Variants in GRB10 observed in about 807,000 individuals in gnomAD.
The protein encoded by GRB10 is growth factor receptor bound protein 10.
In GRB10, 20 loss-of-function variants were observed where a neutral mutation model predicts 80.9. That is an observed-to-expected ratio of 0.25 (90% confidence interval 0.17 to 0.36). GRB10 has a LOEUF of 0.36. Among genes scored for constraint, GRB10 ranks in the 10% least tolerant of loss-of-function variants. The pLI is 1.00. For missense variants in GRB10, 548 were observed against 747.7 expected (o/e 0.73, Z 3.12); for synonymous variants, 291 against 291.5 (o/e 1.00, Z 0.02).
rs1353819786 is a variant in GRB10 at position 50,654,847 on chromosome 7, G to A, written c.504+14875C>T. ...ATATTTCCTACAAACAAGAACACTC[G>A]CATAACTACAGTACAATGATCAAAA... On this transcript the variant is annotated intron_variant, in intron 7 of 18. Transcript: ENST00000401949. Among the ~76,000 whole-genome samples, 4 of 152,050 alleles carry A rather than the reference G, an allele frequency of 2.6e-5. No individual in the cohort carries two copies. In the East Asian group the frequency reaches 5.8e-4, roughly 22 times the overall value.
At position 50,703,829 on chromosome 7, in the gene GRB10, T is replaced by C. The variant is rs533088199; in HGVS notation, c.131A>G (p.Asn44Ser). Residue 44 changes from asparagine to serine, a missense_variant, in exon 5 of 19, where the codon AAT becomes AGT. Coordinates refer to ENST00000401949, the MANE Select transcript of GRB10 (RefSeq NM_001350814.2). The part of the protein sequence containing the change: ...GLPAQSDRLA[N>S]HQEDDVDLEA... ...TTTTGCTCATTCCTTACCCTGGTGA[T>C]TCGCAAGTCGGTCAGACTGTGCGGG... The C allele has an allele frequency of 1.9e-4, 299 of 1,612,510 alleles. 3 individuals are homozygous for C. In the South Asian group the frequency reaches 2.6e-3, roughly 14 times the overall value.
intron 4 of GRB10, chr7:50,710,976 C>G: frequency 7.3e-7 from 1 of 1,371,032 alleles, no homozygotes. Flanking sequence ...GCCCTGTGCA[C>G]AATATTTTCA....
Position 50,626,977 on chromosome 7 carries a change from T to A in GRB10, c.506A>T (p.Asp169Val). The change falls in exon 8 of 19, where the codon GAT becomes GTT. Residue 169 changes from aspartate (D) to valine (V), a missense_variant and splice_region_variant. By Grantham distance (152) the Asp-to-Val change is radical (BLOSUM62 -3). Coordinates refer to ENST00000401949, the MANE Select transcript of GRB10 (RefSeq NM_001350814.2). Reference protein sequence around the residue: ...LPPSQAAAKQDVKVFSEDGTS... With the variant: ...LPPSQAAAKQVVKVFSEDGTS... Reference sequence around the variant, plus strand: ...CCCATCTTCACTAAAGACTTTAACATCCTGCAACACACAAAGGGGATAGTT... The same window carrying A: ...CCCATCTTCACTAAAGACTTTAACAACCTGCAACACACAAAGGGGATAGTT... 6.2e-7 allele frequency: 1 copy of A among 1,614,044 alleles called. No individual in the cohort carries two copies. Among genetic ancestry groups the A allele is most frequent in the East Asian group, 2.2e-5 (1 of 44,888 alleles).
At chr7:50,771,592 T>C (rs1398041222) in intron 2 of GRB10, among the ~76,000 whole-genome samples, 1 of 152,168 alleles carries the variant, frequency 6.6e-6, no homozygotes, top group Non-Finnish European at 1.5e-5. Flanking sequence ...CTCCCTGTGT[T>C]AAAACAGGAG....
intron 7 of GRB10, among the ~76,000 whole-genome samples, chr7:50,629,355 G>A (rs2053573634): frequency 1.3e-5 from 2 of 152,060 alleles, no homozygotes; most frequent in South Asian, 4.1e-4. Context: ...AAATAGCCCG[G>A]GTATTAAAAG....
At chr7:50,737,774 A>G (rs894002703) in intron 3 of GRB10, among the ~76,000 whole-genome samples, 4 of 152,312 alleles carry the variant, frequency 2.6e-5, no homozygotes, top group Admixed American at 2.6e-4. Context: ...GCTTGAACCC[A>G]GAGGCAGAGG....
chr7:50,645,906 C>A (rs74391045), intron 7 of GRB10, among the ~76,000 whole-genome samples: 1,629 of 152,282 alleles, frequency 0.011, 10 homozygotes, highest in Middle Eastern at 0.048. Context: ...AGTGGCCAGC[C>A]CCCAAGTCAT....
chr7:50,675,830 G>C lies in GRB10; in HGVS notation c.140-1172C>G, dbSNP rs150244286. Among the ~76,000 whole-genome samples, 308 of 146,066 alleles carry C rather than the reference G, an allele frequency of 2.1e-3. 2 individuals are homozygous for C. The highest frequency in any genetic ancestry group is 0.021 in the East Asian group (92 of 4,380). ...TGGAGATGGGGAGGGGTTGGGGTGG[G>C]ACGGGGAAAGGGAGCCAGGAGCTAG... is the stretch of plus-strand genomic sequence containing the variant. On this transcript the variant is annotated intron_variant, in intron 5 of 18. Coordinates refer to ENST00000401949, the MANE Select transcript of GRB10 (RefSeq NM_001350814.2).
At chr7:50,678,538 TAATA>T in intron 5 of GRB10, among the ~76,000 whole-genome samples, 1 of 144,146 alleles carries the variant, frequency 6.9e-6, no homozygotes, top group Non-Finnish European at 1.6e-5. Flanking sequence ...TCTGTTTAGA[TAATA>T]AAATCAATTA....
At chr7:50,630,179 C>T (rs1208712960) in intron 7 of GRB10, among the ~76,000 whole-genome samples, 1 of 152,212 alleles carries the variant, frequency 6.6e-6, no homozygotes, top group African/African-American at 2.4e-5. Context: ...GTAATGTAAG[C>T]AAAACACTGC....
At chr7:50,758,487 T>G (rs2075368559) in intron 2 of GRB10, among the ~76,000 whole-genome samples, 2 of 152,260 alleles carry the variant, frequency 1.3e-5, no homozygotes, top group Admixed American at 1.3e-4. Context: ...GTATCTTTGG[T>G]ATCTTCCAAA....
intron 5 of GRB10, among the ~76,000 whole-genome samples, chr7:50,691,638 T>C (rs1307303917): frequency 6.6e-6 from 1 of 152,228 alleles, no homozygotes; most frequent in African/African-American, 2.4e-5. Flanking sequence ...AGAATAATCA[T>C]TAATGACATG....
rs11405172 is a variant in GRB10 at position 50,749,134 on chromosome 7, G to GTTTTTTTTTTTTTTTTTTTTTTT, written c.-47+6752_-47+6753insAAAAAAAAAAAAAAAAAAAAAAA. 2.2e-5 allele frequency among the ~76,000 whole-genome samples: 3 copies of GTTTTTTTTTTTTTTTTTTTTTTT among 137,906 alleles called. 1 individual carries two copies. The highest frequency in any genetic ancestry group is 4.6e-5 in the Non-Finnish European group (3 of 64,760). The allele number at this position is 137,906 out of a possible 152,430, so 90.5% of individuals were successfully genotyped here. A position where few individuals can be genotyped will look rare whatever the true frequency, so the allele number is the denominator to read the frequency against. ...TTTGTTTTGTTTTGTTTTTTTGTTT[G>GTTTTTTTTTTTTTTTTTTTTTTT]TTTTTTTTTTTTGAGATGGAGTCTC... On this transcript the variant is annotated intron_variant, in intron 3 of 18. Transcript: ENST00000401949.
chr7:50,780,669 C>T lies in GRB10; in HGVS notation c.-259G>A, dbSNP rs1394776997. ...TGATGTAGGTGGTTCAGAGGTCACA[C>T]CTTAAAAACCCTGGTCTCTCCTATA... On this transcript the variant is annotated 5_prime_UTR_variant, in exon 2 of 19. The change creates a new upstream start codon in the 5' untranslated region. Coordinates refer to ENST00000401949, the MANE Select transcript of GRB10 (RefSeq NM_001350814.2). 1 of 152,180 alleles carries T rather than the reference C, an allele frequency of 6.6e-6. No individual in the cohort carries two copies. Among genetic ancestry groups the T allele is most frequent in the Non-Finnish European group, 1.5e-5 (1 of 68,042 alleles). The allele number at this position is 152,180 out of a possible 1,614,324, so 9.4% of individuals were successfully genotyped here.
chr7:50,723,172 T>TA (rs2068028806), intron 4 of GRB10, among the ~76,000 whole-genome samples: 1 of 152,236 alleles, frequency 6.6e-6, no homozygotes, highest in African/African-American at 2.4e-5. Context: ...TTTTTTTCTT[T>TA]AAAAAAAGAG....
chr7:50,785,943 T>C (rs1007248704), upstream of GRB10, among the ~76,000 whole-genome samples: 1 of 152,190 alleles, frequency 6.6e-6, no homozygotes, highest in Non-Finnish European at 1.5e-5. Context: ...AATGTGTCAA[T>C]AGTCAACTGT....
At chr7:50,659,802 G>A (rs2059055616) in intron 7 of GRB10, among the ~76,000 whole-genome samples, 1 of 152,210 alleles carries the variant, frequency 6.6e-6, no homozygotes, top group African/African-American at 2.4e-5. Context: ...AATGCAATGG[G>A]ATCTGCTACA....
chr7:50,764,677 A>G (rs1458885075), intron 2 of GRB10, among the ~76,000 whole-genome samples: 4 of 152,190 alleles, frequency 2.6e-5, no homozygotes, highest in Non-Finnish European at 5.9e-5. Flanking sequence ...TCTCTGCCTC[A>G]ATTTCCTCAA....
At chr7:50,749,932 T>C (rs914211068) in intron 3 of GRB10, among the ~76,000 whole-genome samples, 1 of 152,274 alleles carries the variant, frequency 6.6e-6, no homozygotes, top group African/African-American at 2.4e-5. Flanking sequence ...TTCCTCCATC[T>C]TCCTTTAATT....
Sources: gnomAD v4.1 joint callset for allele counts (sites outside exome capture counted in the v4.1 genomes callset) on GRCh38, gnomAD v4.1.1 for gene constraint, MANE v1.5 for transcripts, NCBI Gene and HGNC (gene_info 2026-07-23, HGNC 2026-07-21) for gene names.